Variants in CD47 observed in about 807,000 individuals in gnomAD.
CD47 encodes leukocyte surface antigen CD47.
In CD47, 11 loss-of-function variants were observed where a neutral mutation model predicts 44.6. The ratio of observed to expected loss-of-function variants is 0.25; its 90% CI spans 0.16 to 0.41. The LOEUF (loss-of-function observed/expected upper bound fraction) is 0.41. CD47 is among the 10% of genes least tolerant of loss of function. The pLI, the probability that CD47 is intolerant of heterozygous loss-of-function variation, is 1.00. For missense variants in CD47, 306 were observed against 386.7 expected, an observed-to-expected ratio of 0.79 and a Z score of 1.75; for synonymous variants, 140 against 136.3, an observed-to-expected ratio of 1.03 and a Z score of -0.19.
intron 8 of CD47, 116 bp from the exon 9 acceptor site, chr3:108,050,718 C>CA (rs566494643): frequency 4.8e-3 from 2,011 of 421,442 alleles, no homozygotes; most frequent in South Asian, 8.1e-3. Context: ...ATCCTACAGT[C>CA]AAAAAAAAAA....
intron 1 of CD47, among the ~76,000 whole-genome samples, chr3:108,083,605 T>C (rs1469436321): frequency 6.6e-6 from 1 of 151,970 alleles, no homozygotes; most frequent in African/African-American, 2.4e-5. Context: ...GGCAGAAGAG[T>C]AATTGGTCTT....
intron 10 of CD47, among the ~76,000 whole-genome samples, chr3:108,048,360 A>G (rs969141442): frequency 2.2e-5 from 3 of 138,720 alleles, no homozygotes; most frequent in African/African-American, 8.0e-5. Flanking sequence ...TCACCAATGC[A>G]TGACTGGAGT....
Position 108,080,357 on chromosome 3 carries a change from A to C in CD47, c.47-13T>G. On this transcript the variant is annotated splice_polypyrimidine_tract_variant and intron_variant, in intron 1 of 10. Transcript: ENST00000361309. ...AGCTGAGCTGATCCTGGAAAGGAAAAAGAAAAATGTTTCATTAATTATAGA... is the reference window on the plus strand; with the variant it reads ...AGCTGAGCTGATCCTGGAAAGGAAACAGAAAAATGTTTCATTAATTATAGA... 1.4e-6 allele frequency: 2 copies of C among 1,388,146 alleles called. No individual in the cohort carries two copies. The highest frequency in any genetic ancestry group is 2.3e-5 in the East Asian group (1 of 43,706). The allele number at this position is 1,388,146 out of a possible 1,614,324, so 86.0% of individuals were successfully genotyped here.
chr3:108,055,029 A>C (rs1252924275), intron 7 of CD47, among the ~76,000 whole-genome samples: 1 of 152,164 alleles, frequency 6.6e-6, no homozygotes, highest in Non-Finnish European at 1.5e-5. Context: ...TATTGTGCCC[A>C]GTCCTTTTTC....
rs950162709 is a variant in CD47 at position 108,049,633 on chromosome 3, C to G, written c.953G>C (p.Gly318Ala). Residue 318 changes from glycine (G) to alanine (A), a missense_variant, in exon 10 of 11, where the codon GGA (glycine) becomes GCA (alanine). Transcript: ENST00000361309. ...EPLNAFKESKGMMNDE is the reference protein window; with the variant it reads ...EPLNAFKESKAMMNDE ...TTTATACTTACCATCATTCATCATTCCTTTTGATTCTTTGAATGCTAGGAT... is the reference window on the plus strand; with the variant it reads ...TTTATACTTACCATCATTCATCATTGCTTTTGATTCTTTGAATGCTAGGAT... 5 of 1,595,758 alleles carry G rather than the reference C, an allele frequency of 3.1e-6. No homozygotes were observed. The African/African-American group carries it at 6.7e-5, about 21-fold the overall frequency.
intron 10 of CD47, among the ~76,000 whole-genome samples, chr3:108,049,034 T>C (rs1163138554): frequency 6.6e-6 from 1 of 151,604 alleles, no homozygotes; most frequent in Non-Finnish European, 1.5e-5. Flanking sequence ...CTATAAAGAT[T>C]AGAAGTTATT....
chr3:108,071,220 A>G, intron 2 of CD47, 38 bp from the exon 3 acceptor site: 1 of 925,708 alleles, frequency 1.1e-6, no homozygotes, highest in Non-Finnish European at 1.7e-6. Flanking sequence ...ATTAATATTT[A>G]CTATAACACT....
rs559911754 is a variant in CD47, at chr3:108,051,229, C to T, written c.910-627G>A. 1.1e-4 allele frequency among the ~76,000 whole-genome samples: 16 copies of T among 152,306 alleles called. No homozygotes were observed. The South Asian group carries it at 3.3e-3, about 32-fold the overall frequency. On this transcript the variant is annotated intron_variant, in intron 8 of 10. Coordinates refer to ENST00000361309, the MANE Select transcript of CD47 (RefSeq NM_001777.4). ...ATTCCAGATACATCTATCATCACTC[C>T]GTTATAGGAAGCTAAGTACAATATA...
chr3:108,049,791 A>C lies in CD47; in HGVS notation c.935-140T>G, dbSNP rs991370209. ...TTAATTGTAAAGCTATCATTTCATT[A>C]TGTAGCCTTTCTGTGGATCATACCC... On this transcript the variant is annotated intron_variant, in intron 9 of 10. Coordinates refer to ENST00000361309, the MANE Select transcript of CD47 (RefSeq NM_001777.4). 6.0e-6 allele frequency: 4 copies of C among 671,732 alleles called. No individual in the cohort carries two copies. In the African/African-American group the frequency reaches 7.2e-5, roughly 12 times the overall value. The allele number at this position is 671,732 out of a possible 1,614,324, so 41.6% of individuals were successfully genotyped here. A position where few individuals can be genotyped will look rare whatever the true frequency, so the allele number is the denominator to read the frequency against.
chr3:108,049,728 C>T, intron 9 of CD47, 77 bp from the exon 10 acceptor site: 1 of 949,810 alleles, frequency 1.1e-6, no homozygotes, highest in Non-Finnish European at 1.7e-6. Context: ...AACAAATATG[C>T]AATGATATGC....
intron 1 of CD47, among the ~76,000 whole-genome samples, chr3:108,090,143 G>C (rs769289147): frequency 8.5e-5 from 13 of 152,094 alleles, no homozygotes; most frequent in Non-Finnish European, 1.5e-4. Flanking sequence ...AAATAAAGTG[G>C]GAAAAACTTC....
chr3:108,052,302 C>G, intron 7 of CD47: 1 of 262,012 alleles, frequency 3.8e-6, no homozygotes, highest in Non-Finnish European at 7.4e-6. Flanking sequence ...ATGGGTGCTC[C>G]ATCCTCCCTC....
intron 1 of CD47, among the ~76,000 whole-genome samples, chr3:108,083,559 G>T (rs1441747187): frequency 1.3e-5 from 2 of 152,162 alleles, no homozygotes; most frequent in Admixed American, 6.5e-5. Flanking sequence ...GGTTACAAGT[G>T]TTATCTTTTC....
chr3:108,088,727 A>C (rs1263127355), intron 1 of CD47, among the ~76,000 whole-genome samples: 1 of 152,230 alleles, frequency 6.6e-6, no homozygotes, highest in Non-Finnish European at 1.5e-5. Flanking sequence ...TTGCTAGCTA[A>C]TAAATACCAC....
rs933598376 is a variant in CD47 at position 108,047,005 on chromosome 3, T to G, written c.*283A>C. 1 of 352,702 alleles carries G rather than the reference T, an allele frequency of 2.8e-6. No individual in the cohort carries two copies. Among genetic ancestry groups the G allele is most frequent in the Admixed American group, 4.8e-5 (1 of 20,836 alleles). 21.8% of individuals were successfully genotyped at this position (352,702 alleles called of 1,614,324 possible). A position where few individuals can be genotyped will look rare whatever the true frequency, so the allele number is the denominator to read the frequency against. On this transcript the variant is annotated 3_prime_UTR_variant, in exon 11 of 11. Transcript: ENST00000361309. ...ACCTGAAAGGCATCATTCTTGGAAA[T>G]TGTCCATTCTACTATTGCCCCTAAT...
At chr3:108,050,540 T>A (rs764073811) in intron 9 of CD47, 38 bp downstream of exon 9, 1 of 1,028,368 alleles carries the variant, frequency 9.7e-7, no homozygotes, top group Non-Finnish European at 1.5e-6. Flanking sequence ...GATCAAATTA[T>A]GATCTGGTAA....
At chr3:108,062,370 C>A (rs1020682223) in intron 3 of CD47, among the ~76,000 whole-genome samples, 4 of 152,044 alleles carry the variant, frequency 2.6e-5, no homozygotes, top group African/African-American at 9.7e-5. Context: ...GAAAAAGGAA[C>A]TTTCTCTAGA....
chr3:108,055,401 C>A, intron 7 of CD47: 1 of 423,316 alleles, frequency 2.4e-6, no homozygotes, highest in African/African-American at 2.1e-5. Context: ...AATATAAACG[C>A]TCAAATTTGC....
chr3:108,048,770 G>T (rs575397961), intron 10 of CD47, among the ~76,000 whole-genome samples: 2 of 152,312 alleles, frequency 1.3e-5, no homozygotes, highest in African/African-American at 2.4e-5. Context: ...CTTTGCTACA[G>T]AAGAGGGCAG....
Sources: allele counts gnomAD v4.1 joint callset (sites outside exome capture counted in the v4.1 genomes callset), GRCh38; gene constraint gnomAD v4.1.1; transcripts MANE v1.5; gene names NCBI Gene and HGNC (gene_info 2026-07-23, HGNC 2026-07-21).